The following TTC39B variants were observed in gnomAD, a reference collection of about 807,000 sequenced individuals.
The protein encoded by TTC39B is tetratricopeptide repeat protein 39B.
Under a neutral mutation model 96.6 loss-of-function variants are expected in TTC39B, and 92 were observed. That is an observed-to-expected ratio of 0.95 (90% confidence interval 0.80 to 1.13). The LOEUF (loss-of-function observed/expected upper bound fraction) is 1.13. TTC39B is among the 50% of genes most tolerant of loss of function. TTC39B has a pLI of 0.00. For missense variants in TTC39B, 955 were observed against 809.3 expected, an observed-to-expected ratio of 1.18 and a Z score of -2.18; for synonymous variants, 367 against 299.4, an observed-to-expected ratio of 1.23 and a Z score of -2.33.
chr9:15,191,832 G>T (rs539452243), intron 9 of TTC39B, among the ~76,000 whole-genome samples: 6 of 152,304 alleles, frequency 3.9e-5, no homozygotes, highest in African/African-American at 9.6e-5. Context: ...AAGGGCAGGG[G>T]CTTAGAAGGA....
intron 1 of TTC39B, among the ~76,000 whole-genome samples, chr9:15,277,849 A>G (rs1823604616): frequency 6.6e-6 from 1 of 152,254 alleles, no homozygotes; most frequent in Admixed American, 6.5e-5. Context: ...TCAAAGTTCA[A>G]GCCACGTCAA....
At chr9:15,295,524 T>C (rs1485165460) in intron 1 of TTC39B, among the ~76,000 whole-genome samples, 1 of 152,270 alleles carries the variant, frequency 6.6e-6, no homozygotes, top group African/African-American at 2.4e-5. Flanking sequence ...TGTAGAATTC[T>C]CTTTTCAATT....
At chr9:15,207,251 T>A (rs682184) in intron 6 of TTC39B, among the ~76,000 whole-genome samples, 3,157 of 152,204 alleles carry the variant, frequency 0.021, 113 homozygotes, top group African/African-American at 0.072. Context: ...CCTCCCACCT[T>A]AGCCTCCCAA....
chr9:15,172,019 T>C (rs1276152076), exon 20 of TTC39B: 2 of 1,610,526 alleles, frequency 1.2e-6, no homozygotes, highest in Non-Finnish European at 1.7e-6. Flanking sequence ...CAAGTTCTGA[T>C]CAATCTGAGG....
At chr9:15,280,968 T>G (rs1563785468) in intron 1 of TTC39B, among the ~76,000 whole-genome samples, 1 of 152,132 alleles carries the variant, frequency 6.6e-6, no homozygotes, top group Non-Finnish European at 1.5e-5. Context: ...ATGAAAACAA[T>G]GCAATTATCC....
chr9:15,169,673 C>T (rs1028060503), exon 20 of TTC39B: 1 of 152,118 alleles, frequency 6.6e-6, no homozygotes, highest in Non-Finnish European at 1.5e-5. Flanking sequence ...ATATTTGTAG[C>T]ATTTTGATAT....
At chr9:15,263,092 C>T (rs1823002278) in intron 2 of TTC39B, among the ~76,000 whole-genome samples, 1 of 152,192 alleles carries the variant, frequency 6.6e-6, no homozygotes, top group South Asian at 2.1e-4. Context: ...AAGTCCATTA[C>T]TTCTCCTGTG....
chr9:15,207,084 C>T (rs757478850), intron 6 of TTC39B, among the ~76,000 whole-genome samples: 4 of 152,212 alleles, frequency 2.6e-5, no homozygotes, highest in Non-Finnish European at 5.9e-5. Context: ...TTCCTCTTTG[C>T]CTCCTGCCAT....
At chr9:15,180,997 C>A (rs1409702899) in intron 17 of TTC39B, among the ~76,000 whole-genome samples, 6 of 152,166 alleles carry the variant, frequency 3.9e-5, no homozygotes, top group African/African-American at 1.4e-4. Context: ...CCTATCATCT[C>A]AGCATGTCAT....
At chr9:15,265,438 C>T (rs1823096187) in intron 2 of TTC39B, among the ~76,000 whole-genome samples, 1 of 152,188 alleles carries the variant, frequency 6.6e-6, no homozygotes, top group African/African-American at 2.4e-5. Context: ...CTGGTGAACT[C>T]CAATCACCAG....
chr9:15,282,336 A>C (rs1027313392), intron 1 of TTC39B, among the ~76,000 whole-genome samples: 2 of 152,230 alleles, frequency 1.3e-5, no homozygotes, highest in African/African-American at 4.8e-5. Context: ...AATGCAGTAA[A>C]AGGAATTTGA....
intron 2 of TTC39B, among the ~76,000 whole-genome samples, chr9:15,234,308 C>CGG (rs573936998): frequency 7.0e-6 from 1 of 143,064 alleles, no homozygotes; most frequent in Non-Finnish European, 1.5e-5. Context: ...GGAGGGAAGT[C>CGG]GGGGGGTCAG....
At chr9:15,253,895 T>C (rs2131514590) in intron 2 of TTC39B, among the ~76,000 whole-genome samples, 1 of 152,310 alleles carries the variant, frequency 6.6e-6, no homozygotes, top group South Asian at 2.1e-4. Context: ...TCTCCAACTA[T>C]TGTCCTTTAT....
intron 2 of TTC39B, among the ~76,000 whole-genome samples, chr9:15,253,828 C>A (rs1480198473): frequency 2.0e-5 from 3 of 151,954 alleles, no homozygotes; most frequent in African/African-American, 7.3e-5. Context: ...GACTTCTCTA[C>A]CCAAAAAAAG....
chr9:15,219,667 A>G (rs1820733423), intron 3 of TTC39B, among the ~76,000 whole-genome samples: 1 of 152,134 alleles, frequency 6.6e-6, no homozygotes, highest in South Asian at 2.1e-4. Context: ...ATGCTCCTGG[A>G]CTTTCCTCTC....
intron 6 of TTC39B, among the ~76,000 whole-genome samples, chr9:15,208,863 A>G (rs1183879443): frequency 6.6e-6 from 1 of 152,226 alleles, no homozygotes; most frequent in Non-Finnish European, 1.5e-5. Flanking sequence ...TCCAACGTCC[A>G]TAACAAGTTG....
chr9:15,222,483 C>A (rs1820900445), intron 3 of TTC39B, among the ~76,000 whole-genome samples: 1 of 152,142 alleles, frequency 6.6e-6, no homozygotes, highest in South Asian at 2.1e-4. Flanking sequence ...CTAACCAATC[C>A]AAGGGAGAGT....
intron 2 of TTC39B, among the ~76,000 whole-genome samples, chr9:15,238,603 A>G (rs535978507): frequency 6.6e-6 from 1 of 152,368 alleles, no homozygotes; most frequent in African/African-American, 2.4e-5. Flanking sequence ...AAGAAGAACA[A>G]CAAAACACTG....
At chr9:15,212,968 T>G (rs1212362903) in intron 4 of TTC39B, among the ~76,000 whole-genome samples, 1 of 152,116 alleles carries the variant, frequency 6.6e-6, no homozygotes, top group Non-Finnish European at 1.5e-5. Context: ...AGAGAATAAT[T>G]ATAAATGTTC....
Sources: gnomAD v4.1 joint callset for allele counts (sites outside exome capture counted in the v4.1 genomes callset) on GRCh38, gnomAD v4.1.1 for gene constraint, MANE v1.5 for transcripts, NCBI Gene and HGNC (gene_info 2026-07-23, HGNC 2026-07-21) for gene names.